SPATA13: variants seen among roughly 807,000 people sequenced by gnomAD.
SPATA13 encodes spermatogenesis-associated protein 13.
SPATA13 carries 50 observed loss-of-function variants against 104.0 expected under a neutral mutation model. The observed-to-expected ratio is 0.48, with a 90% CI of 0.38 to 0.61. The LOEUF (loss-of-function observed/expected upper bound fraction) is 0.61. Ranked by LOEUF, SPATA13 falls within the 20% of genes least tolerant of loss-of-function variation. The pLI is 0.00. For missense variants in SPATA13, 1,524 were observed against 1,690.6 expected (o/e 0.90, Z 1.73); for synonymous variants, 606 against 667.5 (o/e 0.91, Z 1.42).
chr13:24,087,143 C>G (rs547681860), intron 3 of SPATA13, among the ~76,000 whole-genome samples: 27 of 152,234 alleles, frequency 1.8e-4, no homozygotes, highest in African/African-American at 6.5e-4. Flanking sequence ...TACTCCCATC[C>G]CAAAAGATCA....
At chr13:24,056,263 A>G (rs1467051382) in intron 3 of SPATA13, among the ~76,000 whole-genome samples, 2 of 152,234 alleles carry the variant, frequency 1.3e-5, no homozygotes, top group African/African-American at 4.8e-5. Context: ...CTCAGTGAAT[A>G]TCTACTATAT....
chr13:24,139,359 C>A (rs976440119), intron 3 of SPATA13, among the ~76,000 whole-genome samples: 1 of 152,154 alleles, frequency 6.6e-6, no homozygotes, highest in Non-Finnish European at 1.5e-5. Context: ...CAGCTTACCT[C>A]GTAGTGGGGG....
intron 1 of SPATA13, among the ~76,000 whole-genome samples, chr13:24,175,415 C>T (rs1051331600): frequency 6.6e-6 from 1 of 152,086 alleles, no homozygotes; most frequent in African/African-American, 2.4e-5. Context: ...TTAGTGTTCT[C>T]TATTGATAAT....
chr13:24,064,987 G>A (rs565166506), intron 3 of SPATA13, among the ~76,000 whole-genome samples: 1 of 32,946 alleles, frequency 3.0e-5, no homozygotes, highest in East Asian at 1.6e-3. Flanking sequence ...ACTGTCACAG[G>A]CCACAGGAGC....
chr13:24,110,124 A>G (rs557491203), intron 3 of SPATA13, among the ~76,000 whole-genome samples: 3 of 151,544 alleles, frequency 2.0e-5, no homozygotes, highest in Non-Finnish European at 4.4e-5. Context: ...AGGGTAAATA[A>G]TGGCACTTTG....
chr13:24,097,149 G>A (rs1479430302), intron 3 of SPATA13, among the ~76,000 whole-genome samples: 2 of 152,174 alleles, frequency 1.3e-5, no homozygotes, highest in African/African-American at 4.8e-5. Flanking sequence ...CAGAGAGGGA[G>A]CTGTCAGTGC....
At chr13:24,159,282 A>G (rs1421774302), upstream of SPATA13, among the ~76,000 whole-genome samples, 1 of 152,132 alleles carries the variant, frequency 6.6e-6, no homozygotes, top group Non-Finnish European at 1.5e-5. Context: ...TGGTTTTTAT[A>G]TTTTTTCAGC....
At chr13:24,110,437 G>A (rs1880601702) in intron 3 of SPATA13, among the ~76,000 whole-genome samples, 1 of 152,174 alleles carries the variant, frequency 6.6e-6, no homozygotes, top group African/African-American at 2.4e-5. Context: ...ACTTAATATT[G>A]TAATATGTCC....
intron 1 of SPATA13, among the ~76,000 whole-genome samples, chr13:24,197,698 G>A (rs375147843): frequency 6.6e-5 from 10 of 152,236 alleles, no homozygotes; most frequent in African/African-American, 2.4e-4. Context: ...AGTTAGACTG[G>A]CTTTGGTGTG....
At chr13:24,172,940 GT>G (rs1304600973) in intron 1 of SPATA13, among the ~76,000 whole-genome samples, 1 of 152,180 alleles carries the variant, frequency 6.6e-6, no homozygotes, top group African/African-American at 2.4e-5. Context: ...TTAACACAGT[GT>G]GTCTCTTCAT....
At chr13:24,041,320 A>G (rs1219490331) in intron 3 of SPATA13, among the ~76,000 whole-genome samples, 2 of 152,246 alleles carry the variant, frequency 1.3e-5, no homozygotes, top group Non-Finnish European at 2.9e-5. Flanking sequence ...TTTACAGATA[A>G]AGGGTTTTTG....
chr13:24,008,401 A>T (rs9510989), intron 2 of SPATA13, among the ~76,000 whole-genome samples: 34,312 of 152,050 alleles, frequency 0.23, 4,933 homozygotes, highest in Non-Finnish European at 0.31. Context: ...GGGCTGGCTG[A>T]TCTTGACGCT....
chr13:24,140,624 T>C (rs920976374), intron 3 of SPATA13, among the ~76,000 whole-genome samples: 1 of 152,196 alleles, frequency 6.6e-6, no homozygotes, highest in African/African-American at 2.4e-5. Context: ...CGTGTCCTTC[T>C]GAGACAGCTC....
chr13:24,251,259 G>A (rs1873461521), intron 3 of SPATA13, among the ~76,000 whole-genome samples: 1 of 152,152 alleles, frequency 6.6e-6, no homozygotes, highest in Non-Finnish European at 1.5e-5. Flanking sequence ...GTGTCGGTGG[G>A]GAGGAGTAAA....
At chr13:24,014,879 A>ATTTTTTTTTTTTTTTTT in intron 2 of SPATA13, among the ~76,000 whole-genome samples, 1 of 78,698 alleles carries the variant, frequency 1.3e-5, no homozygotes, top group Non-Finnish European at 2.4e-5. Context: ...CACTTTCTGG[A>ATTTTTTTTTTTTTTTTT]TTTTTTTTTT....
intron 3 of SPATA13, among the ~76,000 whole-genome samples, chr13:24,038,202 C>T (rs916288673): frequency 1.3e-5 from 2 of 152,190 alleles, no homozygotes; most frequent in African/African-American, 4.8e-5. Context: ...CATGAGCCAC[C>T]GCGCCCGGCC....
At chr13:24,298,377 C>T (rs748898972) in intron 11 of SPATA13, among the ~76,000 whole-genome samples, 1 of 152,208 alleles carries the variant, frequency 6.6e-6, no homozygotes, top group African/African-American at 2.4e-5. Flanking sequence ...GCAGTTAAGG[C>T]GATGGTACTT....
chr13:24,279,456 C>T (rs550362574), intron 4 of SPATA13, among the ~76,000 whole-genome samples: 11 of 152,152 alleles, frequency 7.2e-5, no homozygotes, highest in Non-Finnish European at 1.3e-4. Context: ...TATGGCCTGC[C>T]GGGGGCAGGG....
chr13:24,087,002 G>A (rs887524219), intron 3 of SPATA13, among the ~76,000 whole-genome samples: 8 of 152,214 alleles, frequency 5.3e-5, no homozygotes, highest in Admixed American at 1.3e-4. Context: ...TATTAGGAAC[G>A]TTTTCTTTTT....
Sources: allele counts gnomAD v4.1 joint callset (sites outside exome capture counted in the v4.1 genomes callset), GRCh38; gene constraint gnomAD v4.1.1; transcripts MANE v1.5; gene names NCBI Gene and HGNC (gene_info 2026-07-23, HGNC 2026-07-21).